Variants in GALNTL6 observed in about 807,000 individuals in gnomAD.
GALNTL6 encodes polypeptide N-acetylgalactosaminyltransferase-like 6.
GALNTL6 carries 46 observed loss-of-function variants against 73.7 expected under a neutral mutation model. The observed-to-expected ratio is 0.62, with a 90% CI of 0.49 to 0.80. The LOEUF is 0.80. GALNTL6 is among the 30% of genes least tolerant of loss of function. The pLI is 0.00. For synonymous variants in GALNTL6, 259 were observed against 263.7 expected (o/e 0.98, Z 0.17); for missense variants, 604 against 755.0 (o/e 0.80, Z 2.34).
intron 5 of GALNTL6, among the ~76,000 whole-genome samples, chr4:172,736,849 T>G (rs1736498355): frequency 6.6e-6 from 1 of 152,238 alleles, no homozygotes; most frequent in Non-Finnish European, 1.5e-5. Flanking sequence ...CTTTCCAAGC[T>G]GTTCTTCTGA....
At chr4:172,618,636 A>C (rs1399416983) in intron 5 of GALNTL6, among the ~76,000 whole-genome samples, 1 of 152,140 alleles carries the variant, frequency 6.6e-6, no homozygotes, top group Non-Finnish European at 1.5e-5. Context: ...GCATCTATAC[A>C]TTCTATTGTT....
chr4:172,422,384 T>C (rs1269744305), intron 5 of GALNTL6, among the ~76,000 whole-genome samples: 1 of 25,072 alleles, frequency 4.0e-5, no homozygotes, highest in Non-Finnish European at 1.5e-4. Context: ...ATTATTTTTA[T>C]AATAACAGGT....
chr4:172,099,289 A>C (rs1390690258), intron 2 of GALNTL6, among the ~76,000 whole-genome samples: 1 of 152,168 alleles, frequency 6.6e-6, no homozygotes, highest in East Asian at 1.9e-4. Flanking sequence ...AATAAGTATG[A>C]GCAATATGAG....
Position 172,504,480 on chromosome 4 carries a change from C to T in GALNTL6, c.553+155791C>T, listed in dbSNP as rs1474976939. Among the ~76,000 whole-genome samples, 2 of 53,382 alleles carry T rather than the reference C, an allele frequency of 3.7e-5. 1 individual carries two copies. Among genetic ancestry groups the T allele is most frequent in the African/African-American group, 9.4e-5 (2 of 21,280 alleles). 35.0% of individuals were successfully genotyped at this position (53,382 alleles called of 152,430 possible). ...AAACCAATAGATAGGGGTGCTTCTTCCTTGATGATTACATTTCAGAAATGG... is the reference window on the plus strand; with the variant it reads ...AAACCAATAGATAGGGGTGCTTCTTTCTTGATGATTACATTTCAGAAATGG... On this transcript the variant is annotated intron_variant, in intron 5 of 12. Transcript: ENST00000506823.
intron 2 of GALNTL6, among the ~76,000 whole-genome samples, chr4:171,858,066 G>C (rs758555012): frequency 1.8e-4 from 27 of 152,120 alleles, no homozygotes; most frequent in Non-Finnish European, 3.5e-4. Flanking sequence ...TAATTAATTA[G>C]AGATACTTGG....
At chr4:171,988,825 G>GA (rs1553981280) in intron 2 of GALNTL6, among the ~76,000 whole-genome samples, 2 of 152,072 alleles carry the variant, frequency 1.3e-5, no homozygotes, top group Non-Finnish European at 2.9e-5. Context: ...ATGGTAAGGG[G>GA]GGCATGATCG....
At chr4:172,290,834 T>C (rs1739444298) in intron 3 of GALNTL6, among the ~76,000 whole-genome samples, 1 of 151,734 alleles carries the variant, frequency 6.6e-6, no homozygotes, top group South Asian at 2.1e-4. Context: ...ACAAATACTA[T>C]TAATTAATTT....
At chr4:172,478,087 A>T (rs192123808) in intron 5 of GALNTL6, among the ~76,000 whole-genome samples, 52 of 152,284 alleles carry the variant, frequency 3.4e-4, no homozygotes, top group Admixed American at 1.6e-3. Context: ...TTTTCTAATT[A>T]CCATTACTAC....
At chr4:172,539,300 G>A (rs1235585922) in intron 5 of GALNTL6, among the ~76,000 whole-genome samples, 1 of 152,144 alleles carries the variant, frequency 6.6e-6, no homozygotes, top group Non-Finnish European at 1.5e-5. Flanking sequence ...GTCATCAGCA[G>A]CAGCAATAAA....
At chr4:172,110,849 T>C (rs1484343693) in intron 2 of GALNTL6, among the ~76,000 whole-genome samples, 1 of 152,128 alleles carries the variant, frequency 6.6e-6, no homozygotes, top group African/African-American at 2.4e-5. Flanking sequence ...TCAGGACTGC[T>C]GTTCATTATG....
At chr4:172,239,669 G>A (rs2110989447) in intron 3 of GALNTL6, among the ~76,000 whole-genome samples, 1 of 152,240 alleles carries the variant, frequency 6.6e-6, no homozygotes, top group South Asian at 2.1e-4. Context: ...TCCTCAAGGT[G>A]TGATGTTAGA....
intron 5 of GALNTL6, among the ~76,000 whole-genome samples, chr4:172,436,955 AC>A (rs200936745): frequency 0.023 from 3,464 of 152,086 alleles, 60 homozygotes; most frequent in Non-Finnish European, 0.036. Flanking sequence ...GCTTTTTAAA[AC>A]TTTTTTCAGT....
intron 12 of GALNTL6, among the ~76,000 whole-genome samples, chr4:173,029,200 A>G (rs554841272): frequency 2.6e-5 from 4 of 152,338 alleles, no homozygotes; most frequent in Middle Eastern, 3.4e-3. Flanking sequence ...TGAAGTCACT[A>G]AAAAATCCTG....
In GALNTL6 at chr4:171,892,364, C is replaced by G. The variant is rs367944672; in HGVS notation, c.138+77646C>G. Among the ~76,000 whole-genome samples, 4 of 152,216 alleles carry G rather than the reference C, an allele frequency of 2.6e-5. No individual in the cohort carries two copies. The East Asian group carries it at 5.8e-4, about 22-fold the overall frequency. On this transcript the variant is annotated intron_variant, in intron 2 of 12. Coordinates refer to ENST00000506823, the MANE Select transcript of GALNTL6 (RefSeq NM_001034845.3). ...GGTGGCATGTTCAAATTCCTCTAAA[C>G]AGGGACACATGTGTATGCTACTTTT...
rs570582479 is a variant in GALNTL6 at position 173,009,817 on chromosome 4, T to C, written c.1488+523T>C. On this transcript the variant is annotated intron_variant, in intron 11 of 12. Transcript: ENST00000506823. Reference sequence around the variant, plus strand: ...GCACCCCAACATGGACTTCAGGAAATACTTTAAGGCTATGTATTGCTTTTA... The same window carrying C: ...GCACCCCAACATGGACTTCAGGAAACACTTTAAGGCTATGTATTGCTTTTA... 3.9e-5 allele frequency among the ~76,000 whole-genome samples: 6 copies of C among 152,336 alleles called. No individual in the cohort carries two copies. In the East Asian group the frequency reaches 1.2e-3, roughly 29 times the overall value.
At chr4:171,868,887 G>T (rs113531103) in intron 2 of GALNTL6, among the ~76,000 whole-genome samples, 1 of 152,020 alleles carries the variant, frequency 6.6e-6, no homozygotes, top group Non-Finnish European at 1.5e-5. Flanking sequence ...CACCATGTTG[G>T]CCAGGCTGGT....
intron 2 of GALNTL6, among the ~76,000 whole-genome samples, chr4:172,118,671 G>A (rs1347302019): frequency 6.6e-6 from 1 of 150,954 alleles, no homozygotes; most frequent in Non-Finnish European, 1.5e-5. Context: ...CTGCACCCCA[G>A]CATGGGAGAT....
At chr4:172,132,323 T>C (rs898169050) in intron 2 of GALNTL6, among the ~76,000 whole-genome samples, 1 of 152,134 alleles carries the variant, frequency 6.6e-6, no homozygotes, top group African/African-American at 2.4e-5. Context: ...CTTTGTCATA[T>C]ATTTTTATTT....
At chr4:172,306,505 G>C (rs1275013100) in intron 3 of GALNTL6, among the ~76,000 whole-genome samples, 1 of 152,200 alleles carries the variant, frequency 6.6e-6, no homozygotes, top group Non-Finnish European at 1.5e-5. Flanking sequence ...AAAACAGGTG[G>C]TGTTTGTTTA....
Sources: gnomAD v4.1 joint callset for allele counts (sites outside exome capture counted in the v4.1 genomes callset) on GRCh38, gnomAD v4.1.1 for gene constraint, MANE v1.5 for transcripts, NCBI Gene and HGNC (gene_info 2026-07-23, HGNC 2026-07-21) for gene names.